The following CUL4A variants were observed in gnomAD, a reference collection of about 807,000 sequenced individuals.
The protein encoded by CUL4A is cullin-4A.
In CUL4A, 16 loss-of-function variants were observed where a neutral mutation model predicts 95.5. The ratio of observed to expected loss-of-function variants is 0.17; its 90% CI spans 0.11 to 0.25. CUL4A has a LOEUF of 0.25. Ranked by LOEUF, CUL4A falls within the 10% of genes least tolerant of loss-of-function variation. The probability of loss-of-function intolerance (pLI) is 1.00; values close to 1 mark genes in which losing one functional copy is unlikely to be tolerated. For missense variants in CUL4A, 610 were observed against 937.0 expected, an observed-to-expected ratio of 0.65 and a Z score of 4.56; for synonymous variants, 380 against 353.1, an observed-to-expected ratio of 1.08 and a Z score of -0.85.
intron 3 of CUL4A, among the ~76,000 whole-genome samples, chr13:113,222,438 C>G (rs1439534529): frequency 6.6e-6 from 1 of 151,960 alleles, no homozygotes; most frequent in African/African-American, 2.4e-5. Flanking sequence ...GAACCAGACA[C>G]GGATTGAGGC....
chr13:113,223,120 G>C (rs1243353498), intron 3 of CUL4A, among the ~76,000 whole-genome samples: 1 of 152,166 alleles, frequency 6.6e-6, no homozygotes, highest in Non-Finnish European at 1.5e-5. Flanking sequence ...CGTTAACCTA[G>C]TAAACATGGG....
Position 113,244,991 on chromosome 13 carries a change from A to G in CUL4A, c.1376A>G (p.Lys459Arg), listed in dbSNP as rs771005814. The stretch of plus-strand genomic sequence containing the variant: ...GCATTTTATAAAAAAGATTTGGCAA[A>G]AAGACTCCTTGTTGGGAAAAGTGCC... The part of the protein sequence containing the change: ...FEAFYKKDLA[K>R]RLLVGKSASV... Residue 459 changes from lysine (K) to arginine (R), a missense_variant, in exon 13 of 20, where the codon AAA becomes AGA. Transcript: ENST00000375440. 4.6e-5 allele frequency: 75 copies of G among 1,614,144 alleles called. No homozygotes were observed. The highest frequency in any genetic ancestry group is 6.2e-5 in the Non-Finnish European group (73 of 1,179,952).
At chr13:113,232,591 A>G (rs940856555) in intron 5 of CUL4A, among the ~76,000 whole-genome samples, 6 of 152,214 alleles carry the variant, frequency 3.9e-5, no homozygotes, top group Admixed American at 2.6e-4. Flanking sequence ...GTGGACAGCC[A>G]CTGGCAGCTG....
intron 3 of CUL4A, among the ~76,000 whole-genome samples, chr13:113,225,021 C>T (rs139679315): frequency 1.4e-3 from 210 of 152,200 alleles, no homozygotes; most frequent in Middle Eastern, 3.4e-3. Context: ...ACAGAAGCAC[C>T]GTCTTTTTGC....
At chr13:113,224,280 G>A (rs1366522283) in intron 3 of CUL4A, among the ~76,000 whole-genome samples, 1 of 151,996 alleles carries the variant, frequency 6.6e-6, no homozygotes, top group African/African-American at 2.4e-5. Context: ...ATGAACCCGG[G>A]AGGCAGATCT....
intron 5 of CUL4A, among the ~76,000 whole-genome samples, chr13:113,231,160 C>T: frequency 6.6e-6 from 1 of 152,140 alleles, no homozygotes; most frequent in South Asian, 2.1e-4. Context: ...AATGATACCA[C>T]CTCCAGTCTA....
intron 3 of CUL4A, among the ~76,000 whole-genome samples, chr13:113,220,970 C>A (rs1419663970): frequency 6.6e-6 from 1 of 152,148 alleles, no homozygotes; most frequent in African/African-American, 2.4e-5. Flanking sequence ...ATTAAATGCC[C>A]TTATTAGTCA....
intron 2 of CUL4A, among the ~76,000 whole-genome samples, chr13:113,214,630 G>A (rs2040577293): frequency 6.6e-6 from 1 of 152,186 alleles, no homozygotes; most frequent in Non-Finnish European, 1.5e-5. Context: ...TGGGATTCCA[G>A]GCGTGAGCCA....
upstream of CUL4A, chr13:113,208,355 C>T (rs1367165754): frequency 4.3e-5 from 61 of 1,432,800 alleles, no homozygotes; most frequent in Non-Finnish European, 4.9e-5. Flanking sequence ...ACTTACACCG[C>T]GACGACTCCG....
intron 6 of CUL4A, 110 bp from the exon 7 acceptor site, chr13:113,233,787 C>A (rs536894644): frequency 2.0e-5 from 15 of 748,344 alleles, no homozygotes; most frequent in South Asian, 2.0e-4. Flanking sequence ...CCACAGGCGC[C>A]TCCAAGTTCA....
At chr13:113,228,128 TCTG>T in intron 4 of CUL4A, 83 bp downstream of exon 4, 1 of 1,053,572 alleles carries the variant, frequency 9.5e-7, no homozygotes, top group Non-Finnish European at 1.5e-6. Context: ...ACATAGAAGT[TCTG>T]TTGAGGATTC....
chr13:113,208,451 G>A (rs561874150), upstream of CUL4A: 6 of 1,521,066 alleles, frequency 3.9e-6, no homozygotes, highest in East Asian at 2.5e-5. Context: ...GCCGCTGTTC[G>A]GCTCGCGCGG....
chr13:113,239,869 T>G (rs1364046704), intron 10 of CUL4A, among the ~76,000 whole-genome samples: 4 of 152,236 alleles, frequency 2.6e-5, no homozygotes, highest in Non-Finnish European at 5.9e-5. Flanking sequence ...CCTAAAGTAA[T>G]CATTTTTGTA....
chr13:113,214,916 G>T (rs543719932), intron 2 of CUL4A, among the ~76,000 whole-genome samples: 1 of 151,344 alleles, frequency 6.6e-6, no homozygotes, highest in African/African-American at 2.4e-5. Flanking sequence ...GTCTCGTCCC[G>T]TGTGGCTGTG....
chr13:113,235,781 C>T (rs1488731747), intron 8 of CUL4A, among the ~76,000 whole-genome samples: 4 of 151,822 alleles, frequency 2.6e-5, no homozygotes, highest in South Asian at 2.1e-4. Flanking sequence ...CCATCCTGAC[C>T]AACATGGTGA....
At chr13:113,249,992 A>G (rs192993601) in intron 15 of CUL4A, among the ~76,000 whole-genome samples, 114 of 152,150 alleles carry the variant, frequency 7.5e-4, no homozygotes, top group African/African-American at 2.5e-3. Flanking sequence ...CAAATGCTAG[A>G]CCCTTATCAG....
At chr13:113,218,247 A>AAG (rs398024465) in intron 2 of CUL4A, among the ~76,000 whole-genome samples, 1 of 152,146 alleles carries the variant, frequency 6.6e-6, no homozygotes, top group East Asian at 1.9e-4. Flanking sequence ...CAAAAAAAAA[A>AAG]GATTTCTTCT....
intron 15 of CUL4A, among the ~76,000 whole-genome samples, chr13:113,247,195 C>G (rs941760095): frequency 1.3e-5 from 2 of 152,122 alleles, no homozygotes; most frequent in South Asian, 4.2e-4. Flanking sequence ...GGATCCACCC[C>G]CATGACCCAA....
intron 3 of CUL4A, among the ~76,000 whole-genome samples, chr13:113,222,438 C>T (rs1439534529): frequency 6.6e-6 from 1 of 151,960 alleles, no homozygotes; most frequent in African/African-American, 2.4e-5. Context: ...GAACCAGACA[C>T]GGATTGAGGC....
Sources: gnomAD v4.1 joint callset for allele counts (sites outside exome capture counted in the v4.1 genomes callset) on GRCh38, gnomAD v4.1.1 for gene constraint, MANE v1.5 for transcripts, NCBI Gene and HGNC (gene_info 2026-07-23, HGNC 2026-07-21) for gene names.